Variants in RANGAP1 observed in about 807,000 individuals in gnomAD.
The protein encoded by RANGAP1 is ran GTPase-activating protein 1.
RANGAP1 carries 38 observed loss-of-function variants against 63.5 expected under a neutral mutation model. The ratio of observed to expected loss-of-function variants is 0.60; its 90% CI spans 0.46 to 0.78. RANGAP1 has a LOEUF of 0.78. Among genes scored for constraint, RANGAP1 ranks in the 30% least tolerant of loss-of-function variants. RANGAP1 has a pLI of 0.00. For missense variants in RANGAP1, 630 were observed against 740.3 expected, an observed-to-expected ratio of 0.85 and a Z score of 1.73; for synonymous variants, 329 against 310.5, an observed-to-expected ratio of 1.06 and a Z score of -0.63.
chr22:41,298,488 T>A, the RANGAP1 span, among the ~76,000 whole-genome samples: 1 of 152,096 alleles, frequency 6.6e-6, no homozygotes, highest in Admixed American at 6.6e-5. Flanking sequence ...CTCATTTTTG[T>A]ATTTTTCGTA....
intron 12 of RANGAP1, 57 bp from the exon 13 acceptor site, chr22:41,251,166 C>A: frequency 7.1e-7 from 1 of 1,414,346 alleles, no homozygotes; most frequent in South Asian, 1.2e-5. Context: ...GGTACCTGGG[C>A]TCTGACGCTA....
rs2033891581 is a variant in RANGAP1, at chr22:41,257,143, C to G, written c.775-319G>C. ...CCCCACCCTCTGTCCAGAGAAAGAC[C>G]ACTTGCCCTATACAACTTAGCCAAA... On this transcript the variant is annotated intron_variant, in intron 7 of 15. Coordinates refer to ENST00000356244, the MANE Select transcript of RANGAP1 (RefSeq NM_002883.4). This position sits in a 1 kb window ranked among gnomAD's most constrained non-coding sequence, Gnocchi z 4.0. 6.6e-6 allele frequency among the ~76,000 whole-genome samples: 1 copy of G among 152,118 alleles called. No homozygotes were observed. Among genetic ancestry groups the G allele is most frequent in the Non-Finnish European group, 1.5e-5 (1 of 68,028 alleles).
At chr22:41,266,702 T>C (rs1431061112) in intron 4 of RANGAP1, among the ~76,000 whole-genome samples, 1 of 152,166 alleles carries the variant, frequency 6.6e-6, no homozygotes, top group Non-Finnish European at 1.5e-5. Context: ...GCCCAGCTAA[T>C]TTTTGTACTT....
intron 1 of RANGAP1, among the ~76,000 whole-genome samples, chr22:41,283,482 C>A (rs2035602079): frequency 6.6e-6 from 1 of 152,094 alleles, no homozygotes; most frequent in Non-Finnish European, 1.5e-5. Context: ...GCATTCCAGC[C>A]TGGCGACAGA....
chr22:41,262,583 G>A (rs1041342928), intron 5 of RANGAP1, among the ~76,000 whole-genome samples: 4 of 145,556 alleles, frequency 2.7e-5, no homozygotes, highest in African/African-American at 4.8e-5. Context: ...CCTGGCATGA[G>A]ACTGCACACA....
intron 14 of RANGAP1, 125 bp downstream of exon 14, chr22:41,249,602 CCT>C: frequency 6.6e-7 from 1 of 1,522,856 alleles, no homozygotes; most frequent in Middle Eastern, 1.8e-4. Context: ...CAGACCCAGG[CCT>C]CGGGGCCCCG....
At chr22:41,252,767 G>A in intron 12 of RANGAP1, 105 bp downstream of exon 12, 2 of 1,301,096 alleles carry the variant, frequency 1.5e-6, no homozygotes, top group Non-Finnish European at 2.0e-6. Flanking sequence ...CCTGCCCCCA[G>A]CTGACAGCGT....
intron 4 of RANGAP1, 118 bp downstream of exon 4, chr22:41,267,979 A>C: frequency 9.2e-7 from 1 of 1,088,152 alleles, no homozygotes; most frequent in East Asian, 2.6e-5. Flanking sequence ...CCATTCCAGC[A>C]GCTCAGTCAC....
chr22:41,283,135 G>C (rs1489558878), intron 1 of RANGAP1, among the ~76,000 whole-genome samples: 1 of 149,488 alleles, frequency 6.7e-6, no homozygotes, highest in Non-Finnish European at 1.5e-5. Flanking sequence ...CAGCAGTATA[G>C]CAGTAAAGGA....
the RANGAP1 span, among the ~76,000 whole-genome samples, chr22:41,298,943 A>G: frequency 1.3e-5 from 2 of 152,128 alleles, no homozygotes; most frequent in African/African-American, 4.8e-5. Context: ...GTTGTTGGTG[A>G]GGGCCGCCTT....
At chr22:41,299,073 A>T in the RANGAP1 span, among the ~76,000 whole-genome samples, 1 of 152,074 alleles carries the variant, frequency 6.6e-6, no homozygotes, top group Admixed American at 6.6e-5. Flanking sequence ...TCATGACCTA[A>T]TTATCTCCCA....
At chr22:41,254,562 T>G in intron 10 of RANGAP1, 68 bp from the exon 11 acceptor site, 1 of 1,510,302 alleles carries the variant, frequency 6.6e-7, no homozygotes, top group Non-Finnish European at 8.8e-7. Flanking sequence ...AAGGCCTGGC[T>G]CCATGAGCCC....
intron 2 of RANGAP1, chr22:41,280,669 C>A (rs1177907247): frequency 7.1e-7 from 1 of 1,403,948 alleles, no homozygotes; most frequent in South Asian, 1.2e-5. Flanking sequence ...AACTGTGGCC[C>A]CTCATTACCT....
chr22:41,294,036 T>TCTCCC, the RANGAP1 span, among the ~76,000 whole-genome samples: 1 of 151,042 alleles, frequency 6.6e-6, no homozygotes, highest in Non-Finnish European at 1.5e-5. Context: ...CTCCCTCTCC[T>TCTCCC]TCTCCCTCTC....
chr22:41,295,300 G>A, the RANGAP1 span, among the ~76,000 whole-genome samples: 15 of 150,394 alleles, frequency 1.0e-4, no homozygotes, highest in East Asian at 5.9e-4. Flanking sequence ...GATGGTTGCC[G>A]TGTCTGTGTA....
chr22:41,261,685 G>A lies in RANGAP1; in HGVS notation c.481-105C>T, dbSNP rs1417501609. On this transcript the variant is annotated intron_variant, in intron 5 of 15. Transcript: ENST00000356244. ...CTTCAACATCCCACGCCACCCATCG[G>A]TGCAGGTCAGGGGACGCAGGACTGC... The A allele has an allele frequency of 2.1e-6, 3 of 1,439,064 alleles. No homozygotes were observed. The African/African-American group carries it at 4.2e-5, about 20-fold the overall frequency. The allele number at this position is 1,439,064 out of a possible 1,614,324, so 89.1% of individuals were successfully genotyped here.
intron 8 of RANGAP1, 29 bp downstream of exon 8, chr22:41,256,682 G>A (rs764136995): frequency 1.3e-6 from 2 of 1,597,664 alleles, no homozygotes. Context: ...AGACCCCAGA[G>A]GGAGGACGTC....
chr22:41,272,382 TGTAAACTA>T (rs2034892341), intron 3 of RANGAP1, among the ~76,000 whole-genome samples: 1 of 152,216 alleles, frequency 6.6e-6, no homozygotes, highest in Non-Finnish European at 1.5e-5. Flanking sequence ...AGTGCCACTT[TGTAAACTA>T]GTTTGCAGGC....
At position 41,246,430 on chromosome 22, in the gene RANGAP1, C is replaced by T. The variant is rs745478746; in HGVS notation, c.*173G>A. On this transcript the variant is annotated 3_prime_UTR_variant, in exon 16 of 16. Coordinates refer to ENST00000356244, the MANE Select transcript of RANGAP1 (RefSeq NM_002883.4). Reference sequence around the variant, plus strand: ...TCCCGACAGGAGGCACAGACCTGCACATGCGCCACACCCACACACATACTC... The same window carrying T: ...TCCCGACAGGAGGCACAGACCTGCATATGCGCCACACCCACACACATACTC... 2 of 649,752 alleles carry T rather than the reference C, an allele frequency of 3.1e-6. No individual in the cohort carries two copies. The highest frequency in any genetic ancestry group is 5.2e-6 in the Non-Finnish European group (2 of 381,600). 40.2% of individuals were successfully genotyped at this position (649,752 alleles called of 1,614,324 possible). A position where few individuals can be genotyped will look rare whatever the true frequency, so the allele number is the denominator to read the frequency against.
Sources: gnomAD v4.1 joint callset for allele counts (sites outside exome capture counted in the v4.1 genomes callset) on GRCh38, gnomAD v4.1.1 for gene constraint, Gnocchi (gnomAD v3.1) non-coding constraint, MANE v1.5 for transcripts, NCBI Gene and HGNC (gene_info 2026-07-23, HGNC 2026-07-21) for gene names.